Variants in EPS15 observed in about 807,000 individuals in gnomAD.
EPS15 encodes epidermal growth factor receptor substrate 15.
EPS15 carries 72 observed loss-of-function variants against 113.8 expected under a neutral mutation model. The ratio of observed to expected loss-of-function variants is 0.63; its 90% CI spans 0.52 to 0.77. The LOEUF (loss-of-function observed/expected upper bound fraction) is 0.77. EPS15 is among the 30% of genes least tolerant of loss of function. EPS15 has a pLI of 0.00. For missense variants in EPS15, 1,048 were observed against 1,045.8 expected (o/e 1.00, Z -0.03); for synonymous variants, 344 against 363.4 (o/e 0.95, Z 0.61).
chr1:51,356,547 G>GA lies in EPS15; in HGVS notation c.*152dup, dbSNP rs111272942. On this transcript the variant is annotated 3_prime_UTR_variant, in exon 25 of 25. Transcript: ENST00000371733. ...AAAAAAAAGACGAATCTGTAATGAA[G>GA]AAAAAAAAAAAATCCTAAAATTTTG... 0.056 allele frequency: 24,554 copies of GA among 440,962 alleles called. 7 individuals are homozygous for GA. The highest frequency in any genetic ancestry group is 0.076 in the Middle Eastern group (120 of 1,572). 27.3% of individuals were successfully genotyped at this position (440,962 alleles called of 1,614,324 possible).
In EPS15 at chr1:51,446,940, C is replaced by T. The variant is rs1170215808; in HGVS notation, c.797+20G>A. 1 of 1,557,478 alleles carries T rather than the reference C, an allele frequency of 6.4e-7. No homozygotes were observed. Among genetic ancestry groups the T allele is most frequent in the East Asian group, 2.3e-5 (1 of 44,096 alleles). Reference sequence around the variant, plus strand: ...ATACAAAACCATATTTTTAAAAAATCAATTCAAATAAAGTCTTACCATATA... The same window carrying T: ...ATACAAAACCATATTTTTAAAAAATTAATTCAAATAAAGTCTTACCATATA... On this transcript the variant is annotated intron_variant, in intron 10 of 24. Transcript: ENST00000371733.
At chr1:51,467,594 C>T (rs1215939309) in intron 5 of EPS15, among the ~76,000 whole-genome samples, 1 of 152,318 alleles carries the variant, frequency 6.6e-6, no homozygotes, top group East Asian at 1.9e-4. Context: ...AGTCCCCAAT[C>T]CCTGGGCCAC....
chr1:51,427,371 T>G (rs1651315547), intron 12 of EPS15, among the ~76,000 whole-genome samples: 1 of 152,184 alleles, frequency 6.6e-6, no homozygotes, highest in Non-Finnish European at 1.5e-5. Flanking sequence ...ATGCTATACT[T>G]AGGAGGTACA....
chr1:51,476,144 G>A (rs952176007), intron 2 of EPS15, among the ~76,000 whole-genome samples: 3 of 152,126 alleles, frequency 2.0e-5, no homozygotes, highest in African/African-American at 7.2e-5. Context: ...TTTTTGCTTA[G>A]GATTGTCTTG....
intron 1 of EPS15, among the ~76,000 whole-genome samples, chr1:51,487,351 T>C (rs1296282908): frequency 1.3e-5 from 2 of 152,202 alleles, no homozygotes; most frequent in African/African-American, 2.4e-5. Context: ...CAAAATGTTT[T>C]AGAAATTGTT....
At chr1:51,397,903 G>C (rs190361321) in intron 20 of EPS15, among the ~76,000 whole-genome samples, 1 of 151,994 alleles carries the variant, frequency 6.6e-6, no homozygotes, top group East Asian at 1.9e-4. Context: ...TCTCAAAAAC[G>C]AAGTCTCAAA....
intron 1 of EPS15, among the ~76,000 whole-genome samples, chr1:51,491,851 CTCATT>C (rs138226750): frequency 0.028 from 4,233 of 149,600 alleles, 59 homozygotes; most frequent in African/African-American, 0.046. Flanking sequence ...TAATTCCCAA[CTCATT>C]TAATTTTTTT....
intron 22 of EPS15, among the ~76,000 whole-genome samples, chr1:51,365,231 T>G (rs577595061): frequency 6.6e-6 from 1 of 152,344 alleles, no homozygotes; most frequent in African/African-American, 2.4e-5. Context: ...TTACATTTAT[T>G]TAGGTAATGC....
chr1:51,477,407 T>G (rs540157008), intron 2 of EPS15, among the ~76,000 whole-genome samples: 1 of 152,108 alleles, frequency 6.6e-6, no homozygotes, highest in Non-Finnish European at 1.5e-5. Flanking sequence ...AAAACCAGCT[T>G]CTGGATTCCC....
At chr1:51,505,724 A>G (rs1042004394) in intron 1 of EPS15, among the ~76,000 whole-genome samples, 23 of 152,192 alleles carry the variant, frequency 1.5e-4, no homozygotes, top group Non-Finnish European at 2.2e-4. Context: ...GAAAAGAACA[A>G]TGGAGCATAA....
At chr1:51,423,855 A>T in intron 12 of EPS15, 1 of 278,008 alleles carries the variant, frequency 3.6e-6, no homozygotes, top group Non-Finnish European at 5.5e-6. Context: ...TCTAAACAGC[A>T]AACACAGTCT....
At chr1:51,401,803 G>C (rs1457014726) in intron 18 of EPS15, among the ~76,000 whole-genome samples, 3 of 152,116 alleles carry the variant, frequency 2.0e-5, no homozygotes, top group Non-Finnish European at 4.4e-5. Flanking sequence ...AGGAGTTCAA[G>C]ACCAGCCTGG....
chr1:51,432,609 T>G (rs1651829376), intron 12 of EPS15, among the ~76,000 whole-genome samples: 1 of 152,192 alleles, frequency 6.6e-6, no homozygotes, highest in South Asian at 2.1e-4. Context: ...TCTAAATCTT[T>G]GAAATCCAGT....
intron 21 of EPS15, among the ~76,000 whole-genome samples, chr1:51,380,616 G>C (rs553864273): frequency 6.6e-6 from 1 of 152,036 alleles, no homozygotes; most frequent in African/African-American, 2.4e-5. Flanking sequence ...AATGAAGACC[G>C]TAATAGAGGA....
chr1:51,438,421 G>A (rs1029814759), intron 12 of EPS15, among the ~76,000 whole-genome samples: 4 of 152,096 alleles, frequency 2.6e-5, no homozygotes, highest in Non-Finnish European at 4.4e-5. Flanking sequence ...TGACCAAAAT[G>A]TAACAAATAA....
intron 1 of EPS15, among the ~76,000 whole-genome samples, chr1:51,502,139 A>G (rs912257842): frequency 6.6e-6 from 1 of 152,130 alleles, no homozygotes; most frequent in Admixed American, 6.6e-5. Flanking sequence ...GTGGTGGTGC[A>G]TGCCTGTTGC....
At chr1:51,442,287 T>C (rs1652656406) in intron 11 of EPS15, among the ~76,000 whole-genome samples, 1 of 152,076 alleles carries the variant, frequency 6.6e-6, no homozygotes, top group Non-Finnish European at 1.5e-5. Flanking sequence ...CAAGAGTAAA[T>C]TACTTCACTT....
intron 12 of EPS15, among the ~76,000 whole-genome samples, chr1:51,432,814 C>T (rs1249678186): frequency 6.6e-6 from 1 of 152,074 alleles, no homozygotes; most frequent in Non-Finnish European, 1.5e-5. Context: ...AATTAGGCTG[C>T]CTCCTTACTA....
At chr1:51,423,412 A>G in intron 12 of EPS15, 1 of 1,110,472 alleles carries the variant, frequency 9.0e-7, no homozygotes, top group Non-Finnish European at 1.1e-6. Flanking sequence ...AATACCCAAC[A>G]AATTCTGCAA....
Sources: allele counts gnomAD v4.1 joint callset (sites outside exome capture counted in the v4.1 genomes callset), GRCh38; gene constraint gnomAD v4.1.1; transcripts MANE v1.5; gene names NCBI Gene and HGNC (gene_info 2026-07-23, HGNC 2026-07-21).